SORCS1: variants seen among roughly 807,000 people sequenced by gnomAD.
The protein encoded by SORCS1 is sortilin related VPS10 domain containing receptor 1, also known as VPS10 domain-containing receptor SorCS1.
A neutral mutation model predicts 146.1 loss-of-function variants in SORCS1; 60 were observed. The observed-to-expected ratio is 0.41, with a 90% confidence interval of 0.33 to 0.51. SORCS1 has a LOEUF of 0.51. Among genes scored for constraint, SORCS1 ranks in the 20% least tolerant of loss-of-function variants. SORCS1 has a pLI of 0.21. For synonymous variants in SORCS1, 637 were observed against 584.0 expected (o/e 1.09, Z -1.31); for missense variants, 1,352 against 1,487.6 (o/e 0.91, Z 1.50).
At chr10:106,859,992 A>T (rs867584956) in intron 2 of SORCS1, among the ~76,000 whole-genome samples, 5 of 152,186 alleles carry the variant, frequency 3.3e-5, no homozygotes, top group African/African-American at 1.2e-4. Flanking sequence ...TATCACCAGA[A>T]AATTCAGTTT....
chr10:106,674,033 T>C (rs533907523), intron 14 of SORCS1, among the ~76,000 whole-genome samples: 1 of 151,544 alleles, frequency 6.6e-6, no homozygotes, highest in Admixed American at 6.6e-5. Flanking sequence ...GCAGAAGTGG[T>C]AGGCCAGGCG....
Position 107,045,288 on chromosome 10 carries a change from G to A in SORCS1, c.559-88708C>T, listed in dbSNP as rs141069236. Among the ~76,000 whole-genome samples, 51 of 152,282 alleles carry A rather than the reference G, an allele frequency of 3.3e-4. 1 individual carries two copies. The East Asian group carries it at 8.3e-3, about 25-fold the overall frequency. On this transcript the variant is annotated intron_variant, in intron 1 of 25. Coordinates refer to ENST00000263054, the MANE Select transcript of SORCS1 (RefSeq NM_052918.5). ...TTCATTATAAGGGTCCTAAGAAGCT[G>A]AATTTTAATTAATCCTGGTGGTTTT...
intron 2 of SORCS1, among the ~76,000 whole-genome samples, chr10:106,934,351 G>A (rs962336428): frequency 2.0e-5 from 3 of 151,930 alleles, no homozygotes; most frequent in Non-Finnish European, 4.4e-5. Context: ...TCGGTCTCCG[G>A]GGTTCACGTC....
intron 21 of SORCS1, among the ~76,000 whole-genome samples, chr10:106,616,475 C>T (rs1308288324): frequency 6.6e-6 from 1 of 152,132 alleles, no homozygotes; most frequent in South Asian, 2.1e-4. Context: ...CATAATATCA[C>T]CTGCTTTACA....
At chr10:106,631,503 T>C (rs1848438571) in intron 18 of SORCS1, among the ~76,000 whole-genome samples, 1 of 152,176 alleles carries the variant, frequency 6.6e-6, no homozygotes, top group Non-Finnish European at 1.5e-5. Flanking sequence ...AGCCCACTTT[T>C]GAAGCAAGTA....
At chr10:107,080,711 C>G (rs985118953) in intron 1 of SORCS1, among the ~76,000 whole-genome samples, 3 of 152,130 alleles carry the variant, frequency 2.0e-5, no homozygotes, top group African/African-American at 7.2e-5. Flanking sequence ...TTTCAAAAAG[C>G]AATTTTTAAC....
intron 18 of SORCS1, among the ~76,000 whole-genome samples, chr10:106,637,710 T>G (rs1231115631): frequency 6.6e-6 from 1 of 152,208 alleles, no homozygotes; most frequent in African/African-American, 2.4e-5. Context: ...TTATGACATT[T>G]CACTTTCTCT....
chr10:106,673,747 C>T (rs1269510741), intron 14 of SORCS1, among the ~76,000 whole-genome samples: 1 of 152,118 alleles, frequency 6.6e-6, no homozygotes, highest in Admixed American at 6.5e-5. Flanking sequence ...ATCAGCAGAA[C>T]CAAGTACTAA....
rs760812204 is a variant in SORCS1 at position 106,891,504 on chromosome 10, C to CTTTTTTTTTTTTTTTTTT, written c.627-61832_627-61831insAAAAAAAAAAAAAAAAAA. Among the ~76,000 whole-genome samples the CTTTTTTTTTTTTTTTTTT allele has an allele frequency of 8.7e-3, 844 of 97,110 alleles. 127 individuals are homozygous for CTTTTTTTTTTTTTTTTTT. Among genetic ancestry groups the CTTTTTTTTTTTTTTTTTT allele is most frequent in the African/African-American group, 0.027 (764 of 27,860 alleles). 63.7% of individuals were successfully genotyped at this position (97,110 alleles called of 152,430 possible). A position where few individuals can be genotyped will look rare whatever the true frequency, so the allele number is the denominator to read the frequency against. On this transcript the variant is annotated intron_variant, in intron 2 of 25. Transcript: ENST00000263054. ...GTAATCAGAAGTTTCAATGGGAATTCTTTTTTTTTTTTTGAGAAAAGACCT... is the reference window on the plus strand; with the variant it reads ...GTAATCAGAAGTTTCAATGGGAATTCTTTTTTTTTTTTTTTTTTTTTTTTTTTTTTTGAGAAAAGACCT...
At chr10:107,038,699 G>T (rs912907597) in intron 1 of SORCS1, among the ~76,000 whole-genome samples, 15 of 18,968 alleles carry the variant, frequency 7.9e-4, no homozygotes, top group African/African-American at 1.8e-3. Flanking sequence ...CAGGGGGCGG[G>T]GGGGGAGGTG....
intron 23 of SORCS1, 40 bp from the exon 24 acceptor site, chr10:106,597,490 T>C (rs1386528103): frequency 1.4e-6 from 2 of 1,438,838 alleles, no homozygotes; most frequent in Non-Finnish European, 9.8e-7. Flanking sequence ...AAAAGTGTCA[T>C]ACTGATTATA....
At chr10:107,012,308 G>A (rs1415735270) in intron 1 of SORCS1, among the ~76,000 whole-genome samples, 1 of 152,180 alleles carries the variant, frequency 6.6e-6, no homozygotes, top group Non-Finnish European at 1.5e-5. Flanking sequence ...TTGCAGAACT[G>A]CAGTGTAGTA....
the SORCS1 span, among the ~76,000 whole-genome samples, chr10:107,170,729 CTGTT>C: frequency 6.6e-6 from 1 of 152,196 alleles, no homozygotes; most frequent in African/African-American, 2.4e-5. Flanking sequence ...TCCCATTTCT[CTGTT>C]TGATCTGGAC....
intron 6 of SORCS1, among the ~76,000 whole-genome samples, chr10:106,711,710 A>G (rs1296667238): frequency 6.6e-6 from 1 of 152,186 alleles, no homozygotes; most frequent in East Asian, 1.9e-4. Flanking sequence ...AGAGTCCTCT[A>G]TTCTTCCTTC....
intron 3 of SORCS1, among the ~76,000 whole-genome samples, chr10:106,780,122 G>A (rs1860777941): frequency 6.6e-6 from 1 of 152,068 alleles, no homozygotes; most frequent in African/African-American, 2.4e-5. Flanking sequence ...AACAAACACT[G>A]AAAATAATAA....
chr10:106,806,074 G>A (rs66949749), intron 3 of SORCS1, among the ~76,000 whole-genome samples: 54,076 of 121,304 alleles, frequency 0.45, 11,763 homozygotes, highest in African/African-American at 0.51. Flanking sequence ...AAAAAAAAAA[G>A]AAATCATGGA....
chr10:107,169,298 C>T (rs1970110870), upstream of SORCS1, among the ~76,000 whole-genome samples: 1 of 152,162 alleles, frequency 6.6e-6, no homozygotes, highest in Admixed American at 6.5e-5. Context: ...TCATGAAGAA[C>T]CACAGAAAGA....
At chr10:106,794,694 G>A (rs1360896839) in intron 3 of SORCS1, among the ~76,000 whole-genome samples, 1 of 151,856 alleles carries the variant, frequency 6.6e-6, no homozygotes, top group East Asian at 1.9e-4. Flanking sequence ...TAGTAGAGAC[G>A]GGTTTTCACC....
chr10:106,939,872 G>A (rs1953941421), intron 2 of SORCS1, among the ~76,000 whole-genome samples: 1 of 152,174 alleles, frequency 6.6e-6, no homozygotes, highest in African/African-American at 2.4e-5. Flanking sequence ...AATGCCTGTT[G>A]AGCCATGGAT....
Sources: allele counts gnomAD v4.1 joint callset (sites outside exome capture counted in the v4.1 genomes callset), GRCh38; gene constraint gnomAD v4.1.1; transcripts MANE v1.5; gene names NCBI Gene and HGNC (gene_info 2026-07-23, HGNC 2026-07-21).